Variants in DISC1 observed in about 807,000 individuals in gnomAD.
The protein encoded by DISC1 is disrupted in schizophrenia 1 protein.
A neutral mutation model predicts 84.5 loss-of-function variants in DISC1; 57 were observed. The observed-to-expected ratio is 0.67, with a 90% CI of 0.55 to 0.84. The LOEUF (loss-of-function observed/expected upper bound fraction) is 0.84. DISC1 is among the 40% of genes least tolerant of loss of function. DISC1 has a pLI of 0.00. For synonymous variants in DISC1, 411 were observed against 415.2 expected, an observed-to-expected ratio of 0.99 and a Z score of 0.12; for missense variants, 1,000 against 1,057.8, an observed-to-expected ratio of 0.95 and a Z score of 0.76.
intron 7 of DISC1, among the ~76,000 whole-genome samples, chr1:231,799,427 G>A (rs1039088570): frequency 6.6e-6 from 1 of 152,082 alleles, no homozygotes; most frequent in African/African-American, 2.4e-5. Context: ...CTCACATAGA[G>A]CTCGTATCCC....
At chr1:231,779,568 T>C (rs1010191863) in intron 6 of DISC1, among the ~76,000 whole-genome samples, 5 of 144,758 alleles carry the variant, frequency 3.5e-5, no homozygotes, top group African/African-American at 1.3e-4. Context: ...TTTTTTTTTT[T>C]TTTTTTTTTT....
intron 9 of DISC1, among the ~76,000 whole-genome samples, chr1:231,879,167 G>T (rs1025863639): frequency 6.6e-6 from 1 of 151,432 alleles, no homozygotes; most frequent in African/African-American, 2.4e-5. Flanking sequence ...AATCTGAAAC[G>T]TGAAATGCTC....
At chr1:231,920,904 TA>T (rs1349986771) in intron 9 of DISC1, among the ~76,000 whole-genome samples, 20 of 107,834 alleles carry the variant, frequency 1.9e-4, no homozygotes, top group Admixed American at 5.1e-4. Flanking sequence ...ACTGAACTGC[TA>T]TTTTTTTTTT....
intron 1 of DISC1, among the ~76,000 whole-genome samples, chr1:231,648,834 G>C (rs909921756): frequency 2.0e-5 from 3 of 152,132 alleles, no homozygotes; most frequent in African/African-American, 7.2e-5. Context: ...GATTTTTCTA[G>C]TTTATTTGTG....
In DISC1 at chr1:231,886,766, C is replaced by CCTTCCTTT. The variant is rs1322835316; in HGVS notation, c.1981+68252_1981+68253insCCTTTCTT. Among the ~76,000 whole-genome samples, 438 of 84,378 alleles carry CCTTCCTTT rather than the reference C, an allele frequency of 5.2e-3. 4 individuals are homozygous for CCTTCCTTT. The highest frequency in any genetic ancestry group is 9.0e-3 in the Admixed American group (74 of 8,196). 55.4% of individuals were successfully genotyped at this position (84,378 alleles called of 152,430 possible). On this transcript the variant is annotated intron_variant, in intron 9 of 12. Transcript: ENST00000439617. Reference sequence around the variant, plus strand: ...CTCTTTCTTCCTTTCTTCCTTCCTTCCTTTCTTTCTTTCTTTCTTTCTTTC... The same window carrying CCTTCCTTT: ...CTCTTTCTTCCTTTCTTCCTTCCTTCCTTCCTTTCTTTCTTTCTTTCTTTCTTTCTTTC...
chr1:231,944,155 A>G (rs1487102271), intron 9 of DISC1, among the ~76,000 whole-genome samples: 3 of 152,094 alleles, frequency 2.0e-5, no homozygotes, highest in Non-Finnish European at 4.4e-5. Context: ...CTCCAGCTCT[A>G]TTTTTCTGCA....
At chr1:231,872,793 T>G (rs1295531210) in intron 9 of DISC1, among the ~76,000 whole-genome samples, 1 of 152,212 alleles carries the variant, frequency 6.6e-6, no homozygotes, top group African/African-American at 2.4e-5. Flanking sequence ...CCAACTCATT[T>G]TCCATACATG....
intron 9 of DISC1, among the ~76,000 whole-genome samples, chr1:231,836,798 TAA>T (rs1157839631): frequency 2.6e-5 from 4 of 152,188 alleles, no homozygotes; most frequent in Non-Finnish European, 4.4e-5. Context: ...GTGCTCTGGA[TAA>T]AGTGCGCTAA....
chr1:231,698,909 T>A lies in DISC1; in HGVS notation c.1048-3046T>A, dbSNP rs1204662610. ...TATGATTATTCATTCATTCTTTCAT[T>A]CATTCAGAAAGCATTTATCAATGAC... On this transcript the variant is annotated intron_variant, in intron 2 of 12. Coordinates refer to ENST00000439617, the MANE Select transcript of DISC1 (RefSeq NM_018662.3). The surrounding 1 kb of genome is among the most constrained non-coding windows in gnomAD (Gnocchi z 4.9). Among the ~76,000 whole-genome samples, 3 of 152,198 alleles carry A rather than the reference T, an allele frequency of 2.0e-5. No individual in the cohort carries two copies. The highest frequency in any genetic ancestry group is 4.4e-5 in the Non-Finnish European group (3 of 68,018).
intron 10 of DISC1, among the ~76,000 whole-genome samples, chr1:231,999,347 C>G (rs1666366785): frequency 2.0e-5 from 3 of 152,160 alleles, no homozygotes; most frequent in Non-Finnish European, 2.9e-5. Flanking sequence ...TCCTACATAC[C>G]TACTTCATGA....
chr1:231,868,310 CTT>C (rs1213250876), intron 9 of DISC1, among the ~76,000 whole-genome samples: 3 of 152,170 alleles, frequency 2.0e-5, no homozygotes, highest in Non-Finnish European at 4.4e-5. Flanking sequence ...CTTAACTCCT[CTT>C]TCCCTCTTTC....
At chr1:231,808,002 T>C (rs528720805) in intron 8 of DISC1, among the ~76,000 whole-genome samples, 1 of 152,344 alleles carries the variant, frequency 6.6e-6, no homozygotes, top group African/African-American at 2.4e-5. Context: ...CTTTTTTCTT[T>C]GCATTCCCAA....
Position 231,901,664 on chromosome 1 carries a change from A to G in DISC1, c.1982-57164A>G, listed in dbSNP as rs528098429. 3.3e-5 allele frequency among the ~76,000 whole-genome samples: 5 copies of G among 152,302 alleles called. No individual in the cohort carries two copies. The South Asian group carries it at 1.0e-3, about 32-fold the overall frequency. On this transcript the variant is annotated intron_variant, in intron 9 of 12. Transcript: ENST00000439617. ...TTATTCTGCTTCTGACCCAAATGCAATGATGCCATCATCTTCTGATCCCAT... is the reference window on the plus strand; with the variant it reads ...TTATTCTGCTTCTGACCCAAATGCAGTGATGCCATCATCTTCTGATCCCAT...
chr1:231,701,464 C>T (rs1478181355), intron 2 of DISC1, among the ~76,000 whole-genome samples: 1 of 152,092 alleles, frequency 6.6e-6, no homozygotes, highest in African/African-American at 2.4e-5. Flanking sequence ...AATATTTGAA[C>T]CTTAGGGCTT....
intron 9 of DISC1, among the ~76,000 whole-genome samples, chr1:231,893,005 A>G (rs1050725924): frequency 3.3e-5 from 5 of 152,130 alleles, no homozygotes; most frequent in Non-Finnish European, 7.4e-5. Context: ...CTACTAAAAA[A>G]TACAAAAATT....
At chr1:231,840,252 T>C (rs2082937898) in intron 9 of DISC1, among the ~76,000 whole-genome samples, 1 of 152,172 alleles carries the variant, frequency 6.6e-6, no homozygotes, top group Non-Finnish European at 1.5e-5. Flanking sequence ...CAGTGGCTTA[T>C]GGAGTTAAAC....
intron 1 of DISC1, among the ~76,000 whole-genome samples, chr1:231,662,105 C>A (rs2061609339): frequency 6.6e-6 from 1 of 152,220 alleles, no homozygotes; most frequent in Non-Finnish European, 1.5e-5. Context: ...GCAAAGATGG[C>A]TGCCAGCTCC....
At chr1:232,008,194 A>T (rs1667699046) in intron 10 of DISC1, among the ~76,000 whole-genome samples, 1 of 152,236 alleles carries the variant, frequency 6.6e-6, no homozygotes, top group Non-Finnish European at 1.5e-5. Flanking sequence ...CAACATAGTT[A>T]CAAGCTCTGC....
At chr1:231,703,466 C>G (rs562163701) in intron 3 of DISC1, among the ~76,000 whole-genome samples, 16 of 152,292 alleles carry the variant, frequency 1.1e-4, no homozygotes, top group African/African-American at 3.6e-4. Flanking sequence ...TTTGAAGCTG[C>G]CCACTATTGC....
Sources: gnomAD v4.1 joint callset for allele counts (sites outside exome capture counted in the v4.1 genomes callset) on GRCh38, gnomAD v4.1.1 for gene constraint, Gnocchi (gnomAD v3.1) non-coding constraint, MANE v1.5 for transcripts, NCBI Gene and HGNC (gene_info 2026-07-23, HGNC 2026-07-21) for gene names.